The following DLG2 variants were observed in gnomAD, a reference collection of about 807,000 sequenced individuals.
DLG2 encodes discs large MAGUK scaffold protein 2, also known as disks large homolog 2.
DLG2 carries 45 observed loss-of-function variants against 132.5 expected under a neutral mutation model. That is an observed-to-expected ratio of 0.34 (90% confidence interval 0.27 to 0.44). DLG2 has a LOEUF of 0.44. DLG2 is among the 20% of genes least tolerant of loss of function. The pLI is 1.00. For synonymous variants in DLG2, 424 were observed against 419.6 expected (o/e 1.01, Z -0.13); for missense variants, 1,045 against 1,196.9 (o/e 0.87, Z 1.87).
At chr11:84,195,010 C>T (rs369378745) in intron 8 of DLG2, among the ~76,000 whole-genome samples, 5 of 152,206 alleles carry the variant, frequency 3.3e-5, no homozygotes, top group Admixed American at 6.5e-5. Context: ...GCTCCTGCCT[C>T]GGCCAGCCCA....
chr11:85,536,041 C>T (rs187141275), intron 3 of DLG2, among the ~76,000 whole-genome samples: 20 of 151,732 alleles, frequency 1.3e-4, no homozygotes, highest in African/African-American at 4.6e-4. Flanking sequence ...CATGGTGAAA[C>T]CCCATCTCTA....
At chr11:84,457,258 G>T (rs2099067896) in intron 7 of DLG2, among the ~76,000 whole-genome samples, 2 of 151,010 alleles carry the variant, frequency 1.3e-5, no homozygotes, top group African/African-American at 4.8e-5. Context: ...GGAATTCTGG[G>T]CTAGATGCAG....
chr11:85,216,068 G>A (rs1030600165), intron 4 of DLG2, among the ~76,000 whole-genome samples: 3 of 150,982 alleles, frequency 2.0e-5, no homozygotes, highest in Non-Finnish European at 2.9e-5. Context: ...TGTAGTCCCA[G>A]CTACTCCAGA....
rs114319550 is a variant in DLG2 at position 83,946,204 on chromosome 11, C to T, written c.1341-15721G>A. The stretch of plus-strand genomic sequence containing the variant: ...GTGGCTTCACCATGTTGGCCAGGCT[C>T]GTCGAACTCCTGACCTCAGGTAATC... On this transcript the variant is annotated intron_variant, in intron 14 of 27. Transcript: ENST00000376104. Among the ~76,000 whole-genome samples the T allele has an allele frequency of 3.9e-3, 591 of 152,042 alleles. 4 individuals are homozygous for T. The highest frequency in any genetic ancestry group is 0.014 in the African/African-American group (568 of 41,484).
At chr11:83,651,917 T>C (rs768943175) in intron 18 of DLG2, 8 of 470,918 alleles carry the variant, frequency 1.7e-5, no homozygotes, top group South Asian at 1.1e-4. Flanking sequence ...TGAAATCTTA[T>C]GTGATATCGG....
intron 4 of DLG2, among the ~76,000 whole-genome samples, chr11:85,194,867 T>C (rs1381586908): frequency 2.0e-5 from 3 of 152,210 alleles, no homozygotes; most frequent in Admixed American, 6.5e-5. Context: ...CAAATAATTA[T>C]TGAGCACTTA....
intron 16 of DLG2, among the ~76,000 whole-genome samples, chr11:83,835,739 CT>C (rs2055965562): frequency 6.6e-6 from 1 of 152,192 alleles, no homozygotes; most frequent in African/African-American, 2.4e-5. Flanking sequence ...ACTGTGTTGC[CT>C]ACCTATGCTG....
At chr11:84,736,674 G>C (rs981289975) in intron 6 of DLG2, among the ~76,000 whole-genome samples, 1 of 151,256 alleles carries the variant, frequency 6.6e-6, no homozygotes, top group African/African-American at 2.4e-5. Flanking sequence ...TTCCTTTATT[G>C]ATTTTAATTT....
intron 6 of DLG2, among the ~76,000 whole-genome samples, chr11:84,557,857 A>G (rs1391382851): frequency 6.6e-6 from 1 of 152,064 alleles, no homozygotes; most frequent in African/African-American, 2.4e-5. Context: ...ATTTTTCTAG[A>G]TATCTGTTCC....
intron 6 of DLG2, among the ~76,000 whole-genome samples, chr11:84,540,399 T>C (rs566875434): frequency 1.3e-5 from 2 of 150,016 alleles, no homozygotes; most frequent in South Asian, 4.2e-4. Context: ...AACAGACACT[T>C]CTCAAAAGAA....
At chr11:84,287,772 ACAC>A in intron 7 of DLG2, among the ~76,000 whole-genome samples, 1 of 151,244 alleles carries the variant, frequency 6.6e-6, no homozygotes, top group Non-Finnish European at 1.5e-5. Flanking sequence ...ACACACACAC[ACAC>A]ACACAAATAC....
intron 6 of DLG2, among the ~76,000 whole-genome samples, chr11:85,005,653 T>C (rs1230492772): frequency 6.6e-6 from 1 of 152,222 alleles, no homozygotes; most frequent in Non-Finnish European, 1.5e-5. Context: ...TTTCTAAATA[T>C]ATAATCATGT....
chr11:85,540,451 T>C (rs2075891371), intron 3 of DLG2, among the ~76,000 whole-genome samples: 1 of 152,184 alleles, frequency 6.6e-6, no homozygotes, highest in Non-Finnish European at 1.5e-5. Context: ...TGCCTGCCGC[T>C]GGGCAGCCCA....
At chr11:84,220,151 T>C (rs2096893667) in intron 8 of DLG2, among the ~76,000 whole-genome samples, 1 of 152,224 alleles carries the variant, frequency 6.6e-6, no homozygotes. Flanking sequence ...TGTTCGTATA[T>C]TCATTCCACA....
intron 3 of DLG2, among the ~76,000 whole-genome samples, chr11:85,472,183 AT>A (rs1288565111): frequency 1.3e-5 from 2 of 152,104 alleles, no homozygotes; most frequent in African/African-American, 2.4e-5. Flanking sequence ...CCATGGACCA[AT>A]TGGCACACAC....
intron 16 of DLG2, among the ~76,000 whole-genome samples, chr11:83,855,296 C>A (rs559149925): frequency 1.3e-5 from 2 of 152,262 alleles, no homozygotes; most frequent in African/African-American, 2.4e-5. Context: ...ACTATATGAT[C>A]CAGCAATTGT....
chr11:84,618,696 C>T (rs1002638152), intron 6 of DLG2, among the ~76,000 whole-genome samples: 8 of 152,026 alleles, frequency 5.3e-5, no homozygotes, highest in South Asian at 2.1e-4. Context: ...TGGAAGAAAA[C>T]GTCTCCATAT....
chr11:83,939,160 C>A (rs708241), intron 14 of DLG2, among the ~76,000 whole-genome samples: 2 of 152,050 alleles, frequency 1.3e-5, no homozygotes, highest in Non-Finnish European at 2.9e-5. Flanking sequence ...ACTTAGTACA[C>A]CTTTTTGAGT....
intron 8 of DLG2, among the ~76,000 whole-genome samples, chr11:84,182,748 T>G (rs967914924): frequency 2.0e-5 from 3 of 151,824 alleles, no homozygotes; most frequent in African/African-American, 7.3e-5. Flanking sequence ...GAAGTAAAAG[T>G]TAGAGAAGAT....
Sources: allele counts gnomAD v4.1 joint callset (sites outside exome capture counted in the v4.1 genomes callset), GRCh38; gene constraint gnomAD v4.1.1; transcripts MANE v1.5; gene names NCBI Gene and HGNC (gene_info 2026-07-23, HGNC 2026-07-21).